KPNA7: variants seen among roughly 807,000 people sequenced by gnomAD.
KPNA7 encodes the protein karyopherin subunit alpha 7.
A neutral mutation model predicts 53.7 loss-of-function variants in KPNA7; 54 were observed. That is an observed-to-expected ratio of 1.01 (90% CI 0.81 to 1.26). The LOEUF (loss-of-function observed/expected upper bound fraction) is 1.26. KPNA7 is among the 50% of genes most tolerant of loss of function. The pLI, the probability that KPNA7 is intolerant of heterozygous loss-of-function variation, is 0.00. For missense variants in KPNA7, 640 were observed against 644.5 expected (o/e 0.99, Z 0.07); for synonymous variants, 276 against 259.3 (o/e 1.06, Z -0.62).
At chr7:99,161,222 A>ACTCTCTCTCTCTCTCTCT in the KPNA7 span, among the ~76,000 whole-genome samples, 1 of 147,744 alleles carries the variant, frequency 6.8e-6, no homozygotes, top group African/African-American at 2.6e-5. Flanking sequence ...ATGTACACAA[A>ACTCTCTCTCTCTCTCTCT]CTCTCTCTCT....
intron 2 of KPNA7, among the ~76,000 whole-genome samples, chr7:99,206,241 A>T (rs1016246053): frequency 1.3e-5 from 2 of 150,322 alleles, no homozygotes; most frequent in East Asian, 3.9e-4. Flanking sequence ...ACTCACTGCA[A>T]CCTCCACCTC....
intron 9 of KPNA7, 144 bp from the exon 10 acceptor site, chr7:99,178,210 C>T: frequency 1.4e-6 from 1 of 694,026 alleles, no homozygotes. Flanking sequence ...TTTCACTTTT[C>T]CCAAATTGGT....
At chr7:99,181,073 A>ATCTGTGTCTCTCTCTCTCTCTG (rs1563069116) in intron 9 of KPNA7, among the ~76,000 whole-genome samples, 58 of 2,136 alleles carry the variant, frequency 0.027, 23 homozygotes, top group African/African-American at 0.08. Flanking sequence ...CTCTCTCTCC[A>ATCTGTGTCTCTCTCTCTCTCTG]TCTGTGTCTC....
intron 6 of KPNA7, among the ~76,000 whole-genome samples, chr7:99,190,103 C>A (rs1789855821): frequency 6.6e-6 from 1 of 151,982 alleles, no homozygotes; most frequent in Non-Finnish European, 1.5e-5. Context: ...CTTTGGGAGG[C>A]CGAGGCAGGT....
chr7:99,194,204 G>C (rs537480081), intron 5 of KPNA7, among the ~76,000 whole-genome samples: 11 of 152,158 alleles, frequency 7.2e-5, no homozygotes, highest in Non-Finnish European at 1.5e-4. Context: ...TGTCAGCCAA[G>C]AATCTGGGGG....
intron 7 of KPNA7, among the ~76,000 whole-genome samples, chr7:99,185,548 A>T (rs1789535797): frequency 6.6e-6 from 1 of 151,714 alleles, no homozygotes; most frequent in Non-Finnish European, 1.5e-5. Context: ...GGGTCTTGCT[A>T]TGTTGTCCAG....
chr7:99,147,815 A>G, the KPNA7 span, among the ~76,000 whole-genome samples: 1 of 148,358 alleles, frequency 6.7e-6, no homozygotes, highest in East Asian at 2.0e-4. Flanking sequence ...TTTTTTTTTG[A>G]TAAAAGCCTG....
chr7:99,188,129 T>G (rs1789715812), intron 7 of KPNA7, among the ~76,000 whole-genome samples, 171 bp downstream of exon 7: 1 of 132,138 alleles, frequency 7.6e-6, no homozygotes, highest in Non-Finnish European at 1.5e-5. Flanking sequence ...GAGCTGAGAT[T>G]GTGCCACTGC....
chr7:99,219,211 C>T (rs1385450347), intron 1 of KPNA7, among the ~76,000 whole-genome samples: 2 of 152,236 alleles, frequency 1.3e-5, no homozygotes, highest in South Asian at 2.1e-4. Flanking sequence ...TCAGAACCTT[C>T]AGCCTCTGCA....
Position 99,182,071 on chromosome 7 carries a change from G to A in KPNA7, c.1135-6C>T, listed in dbSNP as rs201383698. On this transcript the variant is annotated splice_polypyrimidine_tract_variant and splice_region_variant and intron_variant, in intron 8 of 10. Transcript: ENST00000327442. ...TTCTGGACTTTAAATTCTCCCTGCA[G>A]AACAAGAATGTTTCCATTCTCTACA... 4.4e-4 allele frequency: 675 copies of A among 1,522,756 alleles called. 1 individual carries two copies. Among genetic ancestry groups the A allele is most frequent in the Admixed American group, 3.7e-4 (18 of 48,258 alleles). The allele number at this position is 1,522,756 out of a possible 1,614,324, so 94.3% of individuals were successfully genotyped here.
intron 10 of KPNA7, among the ~76,000 whole-genome samples, chr7:99,176,311 AAG>A (rs1491037960): frequency 0.022 from 1,825 of 81,270 alleles, 58 homozygotes; most frequent in African/African-American, 0.073. Flanking sequence ...AAAAAAAAAA[AAG>A]AAAGAAAGAA....
At chr7:99,185,780 C>T (rs1034202024) in intron 7 of KPNA7, among the ~76,000 whole-genome samples, 7 of 150,474 alleles carry the variant, frequency 4.7e-5, no homozygotes, top group Non-Finnish European at 7.4e-5. Context: ...GCTAAATTGA[C>T]GATAGTGTTT....
intron 3 of KPNA7, among the ~76,000 whole-genome samples, chr7:99,201,028 C>T (rs1790504443): frequency 6.6e-6 from 1 of 151,938 alleles, no homozygotes; most frequent in African/African-American, 2.4e-5. Context: ...ATCATTCTGC[C>T]CAAAAGGAAT....
At chr7:99,204,051 C>T (rs150554649) in intron 2 of KPNA7, among the ~76,000 whole-genome samples, 1 of 151,670 alleles carries the variant, frequency 6.6e-6, no homozygotes, top group African/African-American at 2.4e-5. Flanking sequence ...GCCATTAAAG[C>T]CTTCATCCCC....
At chr7:99,218,897 G>A (rs915208823) in intron 1 of KPNA7, among the ~76,000 whole-genome samples, 1 of 152,260 alleles carries the variant, frequency 6.6e-6, no homozygotes, top group Non-Finnish European at 1.5e-5. Context: ...CACGTCTGGA[G>A]CCGGGGCTCG....
chr7:99,176,434 G>A (rs1490302990), intron 10 of KPNA7, among the ~76,000 whole-genome samples: 16 of 152,130 alleles, frequency 1.1e-4, no homozygotes, highest in African/African-American at 2.9e-4. Context: ...AACAAGTGTC[G>A]GCAAGGGTGT....
chr7:99,177,332 C>G (rs1798942014), intron 10 of KPNA7, among the ~76,000 whole-genome samples: 1 of 152,118 alleles, frequency 6.6e-6, no homozygotes, highest in Non-Finnish European at 1.5e-5. Flanking sequence ...GTGATCCCAG[C>G]ACTTTGGGAT....
chr7:99,201,561 G>A (rs1407622814), intron 3 of KPNA7, among the ~76,000 whole-genome samples: 1 of 151,540 alleles, frequency 6.6e-6, no homozygotes, highest in South Asian at 2.1e-4. Flanking sequence ...TACTCGGGAG[G>A]CTGAGGCAGA....
the KPNA7 span, among the ~76,000 whole-genome samples, chr7:99,167,724 G>C: frequency 7.3e-6 from 1 of 136,470 alleles, no homozygotes; most frequent in South Asian, 2.4e-4. Flanking sequence ...CAGGTGATCC[G>C]CCCACCTTGG....
Sources: gnomAD v4.1 joint callset for allele counts (sites outside exome capture counted in the v4.1 genomes callset) on GRCh38, gnomAD v4.1.1 for gene constraint, MANE v1.5 for transcripts, NCBI Gene and HGNC (gene_info 2026-07-23, HGNC 2026-07-21) for gene names.